GALNT1: variants seen among roughly 807,000 people sequenced by gnomAD.
GALNT1 encodes the protein GalNAc transferase 1.
In GALNT1, 17 loss-of-function variants were observed where a neutral mutation model predicts 65.7. That is an observed-to-expected ratio of 0.26 (90% CI 0.18 to 0.39). The LOEUF is 0.39. Among genes scored for constraint, GALNT1 ranks in the 10% least tolerant of loss-of-function variants. The pLI is 1.00. For synonymous variants in GALNT1, 210 were observed against 219.7 expected, an observed-to-expected ratio of 0.96 and a Z score of 0.39; for missense variants, 460 against 672.8, an observed-to-expected ratio of 0.68 and a Z score of 3.50.
At chr18:35,621,593 A>G (rs944463292) in intron 1 of GALNT1, among the ~76,000 whole-genome samples, 4 of 152,118 alleles carry the variant, frequency 2.6e-5, no homozygotes, top group Admixed American at 2.0e-4. Flanking sequence ...ACTTTCGCAT[A>G]TCTTATGATG....
intron 1 of GALNT1, among the ~76,000 whole-genome samples, chr18:35,598,994 T>G (rs1202944551): frequency 1.4e-5 from 2 of 138,844 alleles, no homozygotes; most frequent in Non-Finnish European, 3.0e-5. Context: ...TCCAGGCGTT[T>G]TTTTTTTTTT....
chr18:35,706,378 T>C (rs2048260700), intron 11 of GALNT1, among the ~76,000 whole-genome samples: 1 of 152,042 alleles, frequency 6.6e-6, no homozygotes, highest in South Asian at 2.1e-4. Context: ...GGCAGGCACC[T>C]GTAGTCCCAG....
intron 5 of GALNT1, among the ~76,000 whole-genome samples, chr18:35,684,813 TG>T (rs940070286): frequency 6.6e-6 from 1 of 152,222 alleles, no homozygotes; most frequent in Non-Finnish European, 1.5e-5. Context: ...TGCTGAACTT[TG>T]GGGTCACTAA....
chr18:35,603,573 G>A (rs2046608547), intron 1 of GALNT1, among the ~76,000 whole-genome samples: 1 of 152,108 alleles, frequency 6.6e-6, no homozygotes, highest in Non-Finnish European at 1.5e-5. Flanking sequence ...TTATTAATTT[G>A]TTTTGAAAGT....
At chr18:35,704,259 T>C (rs1483453001) in intron 11 of GALNT1, among the ~76,000 whole-genome samples, 1 of 151,610 alleles carries the variant, frequency 6.6e-6, no homozygotes, top group Non-Finnish European at 1.5e-5. Flanking sequence ...TCTCTGGTTC[T>C]TTTTAATTTG....
At chr18:35,623,962 A>G (rs1018830533) in intron 1 of GALNT1, among the ~76,000 whole-genome samples, 1 of 152,008 alleles carries the variant, frequency 6.6e-6, no homozygotes, top group African/African-American at 2.4e-5. Flanking sequence ...TTTTTATTGT[A>G]TACTGGATAT....
intron 11 of GALNT1, among the ~76,000 whole-genome samples, chr18:35,704,195 A>C (rs1403402325): frequency 6.6e-6 from 1 of 152,170 alleles, no homozygotes; most frequent in African/African-American, 2.4e-5. Flanking sequence ...CTAATTTTTC[A>C]ACTTGTGCTT....
chr18:35,704,964 C>A (rs558619994), intron 11 of GALNT1, among the ~76,000 whole-genome samples: 1 of 152,170 alleles, frequency 6.6e-6, no homozygotes, highest in African/African-American at 2.4e-5. Context: ...TTTTCATATC[C>A]TCTTATGCCT....
intron 9 of GALNT1, among the ~76,000 whole-genome samples, chr18:35,694,204 T>C (rs567025850): frequency 7.2e-5 from 11 of 152,260 alleles, no homozygotes; most frequent in African/African-American, 2.6e-4. Context: ...AGAAGCAACA[T>C]AGATGAATGT....
chr18:35,588,795 T>C (rs2046408780), intron 1 of GALNT1, among the ~76,000 whole-genome samples: 1 of 147,482 alleles, frequency 6.8e-6, no homozygotes, highest in Non-Finnish European at 1.5e-5. Context: ...TTTTTGTTTA[T>C]TTATTCTTAA....
intron 11 of GALNT1, among the ~76,000 whole-genome samples, chr18:35,706,286 G>A (rs990937912): frequency 7.9e-5 from 12 of 152,094 alleles, no homozygotes; most frequent in East Asian, 3.9e-4. Flanking sequence ...CGAGGTGGGC[G>A]GATGACGAGG....
At position 35,692,324 on chromosome 18, in the gene GALNT1, A is replaced by C. The variant is rs746180265; in HGVS notation, c.1299+4A>C. The C allele has an allele frequency of 2.6e-6, 4 of 1,517,346 alleles. No individual in the cohort carries two copies. The highest frequency in any genetic ancestry group is 1.4e-5 in the African/African-American group (1 of 71,862). 94.0% of individuals were successfully genotyped at this position (1,517,346 alleles called of 1,614,324 possible). On this transcript the variant is annotated splice_donor_region_variant and intron_variant, in intron 9 of 11. Coordinates refer to ENST00000269195, the MANE Select transcript of GALNT1 (RefSeq NM_020474.4). ...TCACTATTTCTCATTGGGAGAGGTA[A>C]GAAATATATATATATATATTCTATG...
chr18:35,585,951 G>A (rs1352451819), intron 1 of GALNT1, among the ~76,000 whole-genome samples: 1 of 152,204 alleles, frequency 6.6e-6, no homozygotes, highest in Non-Finnish European at 1.5e-5. Flanking sequence ...GTTTTTGTGT[G>A]AACAGAGTCT....
intron 1 of GALNT1, among the ~76,000 whole-genome samples, chr18:35,622,298 C>G (rs1283660004): frequency 6.6e-6 from 1 of 152,068 alleles, no homozygotes; most frequent in Non-Finnish European, 1.5e-5. Flanking sequence ...GTCACAGAGG[C>G]TGGAGTGCAG....
At chr18:35,708,185 C>T (rs2048297053) in intron 11 of GALNT1, among the ~76,000 whole-genome samples, 1 of 151,980 alleles carries the variant, frequency 6.6e-6, no homozygotes, top group Non-Finnish European at 1.5e-5. Context: ...GAAATCACCC[C>T]AGGAATGTCT....
Position 35,703,008 on chromosome 18 carries a change from GA to G in GALNT1, c.1398+17del. ...GGGGGGTAATCAGGTGAGTATCTTAGAAAACTCTTAAAAGGGATAATTTTCA... is the reference window on the plus strand; with the variant it reads ...GGGGGGTAATCAGGTGAGTATCTTAGAAACTCTTAAAAGGGATAATTTTCA... On this transcript the variant is annotated intron_variant, in intron 10 of 11. Transcript: ENST00000269195. 2 of 1,498,430 alleles carry G rather than the reference GA, an allele frequency of 1.3e-6. No individual in the cohort carries two copies. The highest frequency in any genetic ancestry group is 2.8e-5 in the African/African-American group (2 of 71,308). The allele number at this position is 1,498,430 out of a possible 1,614,324, so 92.8% of individuals were successfully genotyped here. A position where few individuals can be genotyped will look rare whatever the true frequency, so the allele number is the denominator to read the frequency against.
intron 3 of GALNT1, among the ~76,000 whole-genome samples, chr18:35,666,098 A>G (rs1598799835): frequency 1.3e-5 from 2 of 152,328 alleles, no homozygotes; most frequent in South Asian, 4.1e-4. Context: ...GAATGTCTAG[A>G]GTAGATTTAG....
chr18:35,639,650 G>C lies in GALNT1; in HGVS notation c.-103-14910G>C, dbSNP rs9948383. ...TTTATTTTAGTAATGATATCATTTT[G>C]AGAAACATTTTTGGAATTTTATTTT... On this transcript the variant is annotated intron_variant, in intron 1 of 11. Coordinates refer to ENST00000269195, the MANE Select transcript of GALNT1 (RefSeq NM_020474.4). 9.3e-3 allele frequency among the ~76,000 whole-genome samples: 1,415 copies of C among 152,136 alleles called. 22 individuals are homozygous for C. Among genetic ancestry groups the C allele is most frequent in the African/African-American group, 0.032 (1,348 of 41,496 alleles).
intron 11 of GALNT1, among the ~76,000 whole-genome samples, chr18:35,704,156 C>A (rs980621541): frequency 6.6e-6 from 1 of 152,178 alleles, no homozygotes; most frequent in Non-Finnish European, 1.5e-5. Flanking sequence ...ATTAAAGCAT[C>A]CGTGGTAAAC....
Sources: gnomAD v4.1 joint callset for allele counts (sites outside exome capture counted in the v4.1 genomes callset) on GRCh38, gnomAD v4.1.1 for gene constraint, MANE v1.5 for transcripts, NCBI Gene and HGNC (gene_info 2026-07-23, HGNC 2026-07-21) for gene names.